The following OPHN1 variants were observed in gnomAD, a reference collection of about 807,000 sequenced individuals.
The protein encoded by OPHN1 is oligophrenin 1.
In OPHN1, 11 loss-of-function variants were observed where a neutral mutation model predicts 60.7. The ratio of observed to expected loss-of-function variants is 0.18; its 90% CI spans 0.11 to 0.30. The LOEUF (loss-of-function observed/expected upper bound fraction) is 0.30, where lower values mean the gene tolerates loss of function less well. Ranked by LOEUF, OPHN1 falls within the 10% of genes least tolerant of loss-of-function variation. OPHN1 has a pLI of 1.00. For missense variants in OPHN1, 449 were observed against 611.0 expected, an observed-to-expected ratio of 0.73 and a Z score of 2.80; for synonymous variants, 226 against 222.6, an observed-to-expected ratio of 1.02 and a Z score of -0.14.
chrX:68,151,373 C>T (rs2077284699), intron 15 of OPHN1, among the ~76,000 whole-genome samples: 1 of 111,992 alleles, frequency 8.9e-6, no homozygotes, highest in Non-Finnish European at 1.9e-5. Context: ...CATGCCTTTC[C>T]AGTCTTAGTA....
At chrX:68,378,584 T>C (rs1209505400) in intron 2 of OPHN1, among the ~76,000 whole-genome samples, 2 of 112,063 alleles carry the variant, frequency 1.8e-5, no homozygotes, top group African/African-American at 6.5e-5. Context: ...TTTAAGTCTT[T>C]AATCCATCTT....
At chrX:68,399,144 A>G (rs907532145) in intron 2 of OPHN1, among the ~76,000 whole-genome samples, 1 of 110,420 alleles carries the variant, frequency 9.1e-6, no homozygotes, top group Non-Finnish European at 1.9e-5. Flanking sequence ...ATTTATCACC[A>G]AGTCCGATTT....
At chrX:68,143,749 T>G (rs1308013983) in intron 15 of OPHN1, among the ~76,000 whole-genome samples, 4 of 111,538 alleles carry the variant, frequency 3.6e-5, no homozygotes, top group Non-Finnish European at 7.5e-5. Context: ...CTGGAGGAAT[T>G]TTGTACATCC....
chrX:68,300,142 G>A (rs141433612), intron 2 of OPHN1, among the ~76,000 whole-genome samples: 4,421 of 111,442 alleles, frequency 0.04, 95 homozygotes, highest in Non-Finnish European at 0.064. Flanking sequence ...TCTCTTTTCC[G>A]ATTTCTTCTT....
intron 5 of OPHN1, among the ~76,000 whole-genome samples, chrX:68,237,091 T>C (rs2077756488): frequency 8.9e-6 from 1 of 111,844 alleles, no homozygotes; most frequent in African/African-American, 3.3e-5. Flanking sequence ...GTTCAAGAGA[T>C]TCTCCTGCCT....
intron 16 of OPHN1, among the ~76,000 whole-genome samples, chrX:68,117,548 C>T (rs1365318119): frequency 8.9e-6 from 1 of 111,876 alleles, no homozygotes; most frequent in Non-Finnish European, 1.9e-5. Context: ...TTTACTGAAT[C>T]ATTTACTGAT....
intron 2 of OPHN1, among the ~76,000 whole-genome samples, chrX:68,346,676 G>A (rs942811399): frequency 8.9e-6 from 1 of 111,922 alleles, no homozygotes; most frequent in African/African-American, 3.2e-5. Flanking sequence ...GCTGGGAGAG[G>A]GAAAAGGTCC....
intron 19 of OPHN1, among the ~76,000 whole-genome samples, chrX:68,093,865 T>A (rs2077027987): frequency 9.0e-6 from 1 of 111,111 alleles, no homozygotes; most frequent in Non-Finnish European, 1.9e-5. Flanking sequence ...CGGTAGCTTT[T>A]TTTTCCATCT....
intron 2 of OPHN1, among the ~76,000 whole-genome samples, chrX:68,346,575 G>GA (rs2078380166): frequency 8.9e-6 from 1 of 111,902 alleles, no homozygotes; most frequent in Non-Finnish European, 1.9e-5. Flanking sequence ...GCAGAAAGCT[G>GA]AAAAAATGAC....
rs765816017 is a variant in OPHN1 at position 68,055,779 on chromosome X, A to G, written c.2159-1969T>C. ...CATGGAATACTATGCAGCCATAAAA[A>G]AGGATGAGTTCTTGTCCTCTGTAGG... On this transcript the variant is annotated intron_variant, in intron 21 of 24. Coordinates refer to ENST00000355520, the MANE Select transcript of OPHN1 (RefSeq NM_002547.3). 5.3e-5 allele frequency among the ~76,000 whole-genome samples: 6 copies of G among 112,268 alleles called. No homozygotes were observed. The South Asian group carries it at 2.3e-3, about 42-fold the overall frequency.
At position 68,317,602 on chromosome X, in the gene OPHN1, A is replaced by AAAAG. The variant is rs200361691; in HGVS notation, c.155-18510_155-18507dup. 4.9e-3 allele frequency among the ~76,000 whole-genome samples: 449 copies of AAAAG among 91,214 alleles called. 11 individuals are homozygous for AAAAG. Among genetic ancestry groups the AAAAG allele is most frequent in the African/African-American group, 0.024 (432 of 18,100 alleles). The allele number at this position is 91,214 out of a possible 115,157, so 79.2% of individuals were successfully genotyped here. A position where few individuals can be genotyped will look rare whatever the true frequency, so the allele number is the denominator to read the frequency against. ...GAAAGAAAGAAAGAGAGAGAAAGAA[A>AAAAG]AAAGAAAGGAGGGAGTGAGGGAAGG... On this transcript the variant is annotated intron_variant, in intron 2 of 24. Transcript: ENST00000355520.
intron 6 of OPHN1, among the ~76,000 whole-genome samples, chrX:68,224,948 G>A (rs952678451): frequency 8.9e-6 from 1 of 112,126 alleles, no homozygotes; most frequent in Non-Finnish European, 1.9e-5. Flanking sequence ...GAAGCGCAAG[G>A]GGTTGCGGAA....
At chrX:68,152,108 T>A (rs1431350102) in intron 15 of OPHN1, among the ~76,000 whole-genome samples, 1 of 110,331 alleles carries the variant, frequency 9.1e-6, no homozygotes, top group Admixed American at 9.7e-5. Flanking sequence ...TGAGAAACCA[T>A]CTCCATGATC....
At chrX:68,408,950 G>A (rs1239102799) in intron 2 of OPHN1, among the ~76,000 whole-genome samples, 1 of 112,585 alleles carries the variant, frequency 8.9e-6, no homozygotes, top group East Asian at 2.8e-4. Flanking sequence ...AACAGAGCGA[G>A]ACTCCGTCTC....
At chrX:68,299,119 G>A in intron 2 of OPHN1, 23 bp from the exon 3 acceptor site, 2 of 986,716 alleles carry the variant, frequency 2.0e-6, no homozygotes, top group East Asian at 3.2e-5. Flanking sequence ...GGTAACAAGA[G>A]AAATGTTCAA....
intron 2 of OPHN1, among the ~76,000 whole-genome samples, chrX:68,431,537 C>A (rs2078885644): frequency 9.0e-6 from 1 of 111,580 alleles, no homozygotes; most frequent in South Asian, 3.8e-4. Context: ...CTGCCTCAGC[C>A]TCCTGAGTAG....
intron 19 of OPHN1, among the ~76,000 whole-genome samples, chrX:68,087,435 T>C (rs1157910712): frequency 2.7e-5 from 3 of 111,764 alleles, no homozygotes; most frequent in African/African-American, 9.8e-5. Context: ...ATCACCTCCA[T>C]TGGGAAGAGG....
At chrX:68,296,829 G>T (rs1211149593) in intron 3 of OPHN1, among the ~76,000 whole-genome samples, 1 of 109,962 alleles carries the variant, frequency 9.1e-6, no homozygotes, top group East Asian at 2.9e-4. Flanking sequence ...CAGCAAAGAT[G>T]TCATAATCAG....
chrX:68,363,966 G>T (rs2078486267), intron 2 of OPHN1, among the ~76,000 whole-genome samples: 1 of 111,574 alleles, frequency 9.0e-6, no homozygotes, highest in South Asian at 3.7e-4. Context: ...CCATACTAAT[G>T]TTTTTAAAAT....
Sources: allele counts gnomAD v4.1 joint callset (sites outside exome capture counted in the v4.1 genomes callset), GRCh38; gene constraint gnomAD v4.1.1; transcripts MANE v1.5; gene names NCBI Gene and HGNC (gene_info 2026-07-23, HGNC 2026-07-21).